The following GPR155 variants were observed in gnomAD, a reference collection of about 807,000 sequenced individuals.
The protein encoded by GPR155 is G protein-coupled receptor 155.
A neutral mutation model predicts 93.1 loss-of-function variants in GPR155; 65 were observed. The observed-to-expected ratio is 0.70, with a 90% confidence interval of 0.57 to 0.86. The LOEUF is 0.86. Among genes scored for constraint, GPR155 ranks in the 40% least tolerant of loss-of-function variants. GPR155 has a pLI of 0.00. For synonymous variants in GPR155, 319 were observed against 360.1 expected, an observed-to-expected ratio of 0.89 and a Z score of 1.29; for missense variants, 838 against 1,034.8, an observed-to-expected ratio of 0.81 and a Z score of 2.61.
chr2:174,477,996 A>G (rs1688215737), intron 2 of GPR155, among the ~76,000 whole-genome samples: 1 of 152,226 alleles, frequency 6.6e-6, no homozygotes, highest in Admixed American at 6.5e-5. Flanking sequence ...CTTTCTGTTT[A>G]CAGCTCAAGC....
chr2:174,473,959 A>T (rs1226555697), intron 2 of GPR155, among the ~76,000 whole-genome samples: 6 of 152,238 alleles, frequency 3.9e-5, no homozygotes, highest in African/African-American at 1.4e-4. Context: ...CTAATGAGCT[A>T]CTCAGTTAAA....
At chr2:174,441,594 C>A (rs1351761573) in intron 14 of GPR155, among the ~76,000 whole-genome samples, 1 of 152,072 alleles carries the variant, frequency 6.6e-6, no homozygotes, top group Non-Finnish European at 1.5e-5. Flanking sequence ...TACCCTACCC[C>A]ACGACAGGCC....
chr2:174,486,090 A>G (rs1688470174), intron 1 of GPR155, among the ~76,000 whole-genome samples: 1 of 152,200 alleles, frequency 6.6e-6, no homozygotes, highest in African/African-American at 2.4e-5. Context: ...AACATCCAAC[A>G]TCCTTTATCC....
intron 3 of GPR155, 129 bp from the exon 4 acceptor site, chr2:174,470,684 C>A: frequency 4.7e-6 from 3 of 633,862 alleles, no homozygotes; most frequent in Non-Finnish European, 7.9e-6. Flanking sequence ...TGCACATATT[C>A]TGTGCATGTC....
At chr2:174,473,880 G>A (rs1392072362) in intron 2 of GPR155, among the ~76,000 whole-genome samples, 2 of 152,194 alleles carry the variant, frequency 1.3e-5, no homozygotes, top group African/African-American at 2.4e-5. Context: ...AAGAAATGAA[G>A]ATGGGAGATG....
chr2:174,461,035 G>GT (rs148412829), intron 9 of GPR155, among the ~76,000 whole-genome samples: 24,830 of 151,694 alleles, frequency 0.16, 2,475 homozygotes, highest in Non-Finnish European at 0.24. Flanking sequence ...TCCTAGATAC[G>GT]TTTTGTCCTG....
chr2:174,481,930 G>A lies in GPR155; in HGVS notation c.27C>T (p.Asn9=), dbSNP rs767546775. Residue 9 remains asparagine (N), a synonymous_variant, in exon 2 of 16, where the codon AAC becomes AAT. Coordinates refer to ENST00000392552, the MANE Select transcript of GPR155 (RefSeq NM_152529.7). MNSNLPAE[N]LTIAVNMTKT... Reference sequence around the variant, plus strand: ...TGGTCATATTGACTGCAATGGTTAAGTTCTCTGCAGGTAAATTAGAATTCA... The same window carrying A: ...TGGTCATATTGACTGCAATGGTTAAATTCTCTGCAGGTAAATTAGAATTCA... 2 of 1,611,588 alleles carry A rather than the reference G, an allele frequency of 1.2e-6. No homozygotes were observed. The highest frequency in any genetic ancestry group is 1.7e-5 in the Admixed American group (1 of 59,964).
intron 9 of GPR155, among the ~76,000 whole-genome samples, 175 bp from the exon 10 acceptor site, chr2:174,460,263 C>T (rs376434867): frequency 6.7e-6 from 1 of 150,342 alleles, no homozygotes; most frequent in African/African-American, 2.5e-5. Flanking sequence ...CAGGTTCACG[C>T]CATTCTCCTG....
intron 12 of GPR155, chr2:174,445,406 A>G: frequency 2.6e-6 from 1 of 383,178 alleles, no homozygotes; most frequent in Non-Finnish European, 4.7e-6. Context: ...TTGAAGCAAG[A>G]AGACATGAGC....
At chr2:174,442,588 T>C (rs889293079) in intron 13 of GPR155, among the ~76,000 whole-genome samples, 1 of 152,256 alleles carries the variant, frequency 6.6e-6, no homozygotes, top group African/African-American at 2.4e-5. Context: ...AATAATGCAG[T>C]AATTGAACAG....
chr2:174,441,440 TTTA>T (rs1345173600), intron 14 of GPR155, among the ~76,000 whole-genome samples: 6 of 151,640 alleles, frequency 4.0e-5, no homozygotes, highest in Non-Finnish European at 2.9e-5. Flanking sequence ...AATTTTTATT[TTTA>T]TTATTATACT....
Position 174,459,889 on chromosome 2 carries a change from A to G in GPR155, c.1760T>C (p.Ile587Thr). The G allele has an allele frequency of 6.2e-7, 1 of 1,604,696 alleles. No individual in the cohort carries two copies. The highest frequency in any genetic ancestry group is 8.5e-7 in the Non-Finnish European group (1 of 1,171,532). The change falls in exon 10 of 16, where the codon ATT (isoleucine) becomes ACT (threonine). Residue 587 changes from isoleucine (I) to threonine (T), a missense_variant. Physicochemically the swap from Ile to Thr is moderately conservative, Grantham distance 89 (BLOSUM62 -1). Coordinates refer to ENST00000392552, the MANE Select transcript of GPR155 (RefSeq NM_152529.7). ...VNEPELFTSSIPETSCCSCSM... is the reference protein window; with the variant it reads ...VNEPELFTSSTPETSCCSCSM... ...TAAAAAGATCATACTTGTTTCTGGA[A>G]TAGAGCTTGTAAAAAGTTCTGGTTC...
chr2:174,448,885 A>G (rs1687236261), intron 11 of GPR155, among the ~76,000 whole-genome samples: 1 of 152,216 alleles, frequency 6.6e-6, no homozygotes, highest in Admixed American at 6.5e-5. Context: ...AAAATTGACA[A>G]GTGGGACCTA....
At position 174,465,908 on chromosome 2, in the gene GPR155, G is replaced by C. The variant is rs1559112390; in HGVS notation, c.1267-6C>G. 1 of 1,318,212 alleles carries C rather than the reference G, an allele frequency of 7.6e-7. No homozygotes were observed. Among genetic ancestry groups the C allele is most frequent in the Non-Finnish European group, 1.1e-6 (1 of 924,608 alleles). The allele number at this position is 1,318,212 out of a possible 1,614,324, so 81.7% of individuals were successfully genotyped here. ...ATTCCAGCACAGACAATAGACTAAGGAAAAAATTATTAAAAGACTTTGTAA... is the reference window on the plus strand; with the variant it reads ...ATTCCAGCACAGACAATAGACTAAGCAAAAAATTATTAAAAGACTTTGTAA... On this transcript the variant is annotated splice_region_variant and splice_polypyrimidine_tract_variant and intron_variant, in intron 6 of 15. Transcript: ENST00000392552.
chr2:174,465,047 C>T (rs1687799893), intron 7 of GPR155, among the ~76,000 whole-genome samples: 1 of 152,182 alleles, frequency 6.6e-6, no homozygotes, highest in Admixed American at 6.5e-5. Context: ...GAATTTTTCA[C>T]AAACATACCA....
intron 12 of GPR155, among the ~76,000 whole-genome samples, chr2:174,445,963 T>C (rs1361834075): frequency 6.6e-6 from 1 of 152,018 alleles, no homozygotes; most frequent in African/African-American, 2.4e-5. Context: ...TTATCCACTT[T>C]GGTCAGTCAG....
intron 10 of GPR155, among the ~76,000 whole-genome samples, chr2:174,454,650 G>GAGGGAAGA (rs1340709699): frequency 1.5e-5 from 2 of 135,384 alleles, no homozygotes; most frequent in South Asian, 2.2e-4. Context: ...AGGAAGGAGG[G>GAGGGAAGA]AGGGAAGAAG....
intron 1 of GPR155, among the ~76,000 whole-genome samples, chr2:174,484,183 G>A (rs1401301757): frequency 6.6e-6 from 1 of 152,176 alleles, no homozygotes; most frequent in African/African-American, 2.4e-5. Context: ...GATAGCAGTG[G>A]TCAATATAGT....
intron 10 of GPR155, among the ~76,000 whole-genome samples, chr2:174,457,715 A>G (rs977467005): frequency 6.6e-6 from 1 of 152,100 alleles, no homozygotes; most frequent in Non-Finnish European, 1.5e-5. Flanking sequence ...TCAGCCTCCC[A>G]AAGTTCTGGG....
Sources: gnomAD v4.1 joint callset for allele counts (sites outside exome capture counted in the v4.1 genomes callset) on GRCh38, gnomAD v4.1.1 for gene constraint, MANE v1.5 for transcripts, NCBI Gene and HGNC (gene_info 2026-07-23, HGNC 2026-07-21) for gene names.